DARS2: variants seen among roughly 807,000 people sequenced by gnomAD.
DARS2 encodes aspartyl-tRNA synthetase 2, mitochondrial.
Under a neutral mutation model 83.0 loss-of-function variants are expected in DARS2, and 63 were observed. The ratio of observed to expected loss-of-function variants is 0.76; its 90% CI spans 0.62 to 0.94. The LOEUF is 0.94. Ranked by LOEUF, DARS2 falls within the 40% of genes least tolerant of loss-of-function variation. The pLI, the probability that DARS2 is intolerant of heterozygous loss-of-function variation, is 0.00. For missense variants in DARS2, 675 were observed against 774.4 expected (o/e 0.87, Z 1.52); for synonymous variants, 250 against 269.3 (o/e 0.93, Z 0.70).
intron 13 of DARS2, among the ~76,000 whole-genome samples, chr1:173,852,694 G>T (rs180712827): frequency 6.6e-6 from 1 of 151,894 alleles, no homozygotes; most frequent in Non-Finnish European, 1.5e-5. Flanking sequence ...TAGTAGTGAC[G>T]GGGTTTCACC....
In DARS2 at chr1:173,828,313, TCCCCC is replaced by T; in HGVS notation, c.228-14_228-10del. 8.1e-7 allele frequency: 1 copy of T among 1,231,086 alleles called. No individual in the cohort carries two copies. Among genetic ancestry groups the T allele is most frequent in the Non-Finnish European group, 1.2e-6 (1 of 867,438 alleles). 76.3% of individuals were successfully genotyped at this position (1,231,086 alleles called of 1,614,324 possible). On this transcript the variant is annotated splice_polypyrimidine_tract_variant and intron_variant, in intron 2 of 16. Transcript: ENST00000649689. Reference sequence around the variant, plus strand: ...AGATTTTATCTTAAAATGTTTCTTTTCCCCCCCCCCATTAATCAGGCAAAACACAT... The same window carrying T: ...AGATTTTATCTTAAAATGTTTCTTTTCCCCCATTAATCAGGCAAAACACAT...
rs121918211 is a variant in DARS2 at position 173,850,408 on chromosome 1, G to T, written c.1273G>T (p.Glu425Ter). The change falls in exon 13 of 17, where the codon GAA (glutamate) becomes TAA (stop). Residue 425 changes from glutamate (E) to a stop codon, truncating the protein, a stop_gained. Coordinates refer to ENST00000649689, the MANE Select transcript of DARS2 (RefSeq NM_018122.5). LOFTEE classifies it high-confidence loss of function. ...TTTCATAATGGAGTCACAAAGACTG[G>T]AATTAATCAGACTAATGGAGACCCA... ...ANFIMESQRLELIRLMETQEE... is the reference protein window; with the variant it reads ...ANFIMESQRL The T allele has an allele frequency of 1.9e-6, 3 of 1,613,902 alleles. No individual in the cohort carries two copies. Among genetic ancestry groups the T allele is most frequent in the Non-Finnish European group, 2.5e-6 (3 of 1,179,944 alleles).
At chr1:173,827,603 T>G (rs1204619261) in intron 2 of DARS2, among the ~76,000 whole-genome samples, 1 of 151,958 alleles carries the variant, frequency 6.6e-6, no homozygotes, top group Non-Finnish European at 1.5e-5. Flanking sequence ...TGCACTCCAC[T>G]CTGGGCAACA....
intron 5 of DARS2, among the ~76,000 whole-genome samples, chr1:173,832,614 C>T (rs1016594732): frequency 7.2e-5 from 11 of 151,806 alleles, no homozygotes; most frequent in African/African-American, 2.7e-4. Context: ...ACTAAAAATA[C>T]AAAAATTAGC....
chr1:173,845,912 C>CT (rs1466650854), intron 12 of DARS2, among the ~76,000 whole-genome samples: 2 of 152,202 alleles, frequency 1.3e-5, no homozygotes, highest in Non-Finnish European at 1.5e-5. Context: ...AATCCCAGCA[C>CT]TTTGGGAGGG....
intron 9 of DARS2, 104 bp downstream of exon 9, chr1:173,838,363 T>C: frequency 1.2e-6 from 1 of 821,620 alleles, no homozygotes; most frequent in South Asian, 1.5e-5. Context: ...CATTACATTT[T>C]ATCCATCAGA....
At chr1:173,850,715 C>T (rs747214300) in intron 13 of DARS2, among the ~76,000 whole-genome samples, 24 of 151,548 alleles carry the variant, frequency 1.6e-4, no homozygotes, top group Non-Finnish European at 2.9e-4. Context: ...TAGAGATTCT[C>T]CTGCCTCAGC....
In DARS2 at chr1:173,853,546, C is replaced by T; in HGVS notation, c.1542C>T (p.Leu514=). The change falls in exon 14 of 17, where the codon CTC becomes CTT. Residue 514 remains leucine (L), a synonymous_variant. Coordinates refer to ENST00000649689, the MANE Select transcript of DARS2 (RefSeq NM_018122.5). ...CTCCCCACCCCAGTGACATACATCTCCTGTACACTGAGCCCAAAAAGGTAC... is the reference window on the plus strand; with the variant it reads ...CTCCCCACCCCAGTGACATACATCTTCTGTACACTGAGCCCAAAAAGGTAC... ...FTAPHPSDIH[L]LYTEPKKARS... is the part of the protein sequence containing the mutation. 6.2e-7 allele frequency: 1 copy of T among 1,614,078 alleles called. No homozygotes were observed. The highest frequency in any genetic ancestry group is 2.2e-5 in the East Asian group (1 of 44,874).
In DARS2 at chr1:173,828,314, C is replaced by T. The variant is rs56302419; in HGVS notation, c.228-19C>T. On this transcript the variant is annotated intron_variant, in intron 2 of 16. Coordinates refer to ENST00000649689, the MANE Select transcript of DARS2 (RefSeq NM_018122.5). Reference sequence around the variant, plus strand: ...GATTTTATCTTAAAATGTTTCTTTTCCCCCCCCCCATTAATCAGGCAAAAC... The same window carrying T: ...GATTTTATCTTAAAATGTTTCTTTTTCCCCCCCCCATTAATCAGGCAAAAC... The T allele has an allele frequency of 3.3e-4, 179 of 541,366 alleles. 1 individual carries two copies. The highest frequency in any genetic ancestry group is 1.5e-3 in the African/African-American group (61 of 41,108). The allele number at this position is 541,366 out of a possible 1,614,324, so 33.5% of individuals were successfully genotyped here. A position where few individuals can be genotyped will look rare whatever the true frequency, so the allele number is the denominator to read the frequency against.
At chr1:173,831,764 G>A (rs1315729609) in intron 5 of DARS2, 134 bp downstream of exon 5, 11 of 705,714 alleles carry the variant, frequency 1.6e-5, no homozygotes, top group Non-Finnish European at 2.5e-5. Context: ...ATCATGAAGT[G>A]TTCTCTTAGT....
intron 12 of DARS2, among the ~76,000 whole-genome samples, chr1:173,849,831 C>T (rs980650594): frequency 6.6e-6 from 1 of 151,486 alleles, no homozygotes; most frequent in South Asian, 2.1e-4. Context: ...TCTTCATCCC[C>T]TCCCCCTTTT....
intron 13 of DARS2, 79 bp downstream of exon 13, chr1:173,850,558 T>C (rs965202392): frequency 6.2e-6 from 9 of 1,447,710 alleles, no homozygotes; most frequent in African/African-American, 5.7e-5. Context: ...AGTATACGTT[T>C]GAACTGTAGA....
chr1:173,854,750 GA>G (rs1281339861), intron 15 of DARS2, among the ~76,000 whole-genome samples: 1 of 152,210 alleles, frequency 6.6e-6, no homozygotes, highest in African/African-American at 2.4e-5. Flanking sequence ...TAATGTTAGA[GA>G]AAGAGAGAGA....
intron 6 of DARS2, among the ~76,000 whole-genome samples, 187 bp downstream of exon 6, chr1:173,833,686 G>A (rs1652877580): frequency 2.0e-5 from 3 of 152,060 alleles, no homozygotes; most frequent in African/African-American, 4.8e-5. Context: ...GATGATAGTC[G>A]CTATTACATT....
In DARS2 at chr1:173,826,023, C is replaced by G. The variant is rs377591036; in HGVS notation, c.128-664C>G. 1.1e-4 allele frequency among the ~76,000 whole-genome samples: 17 copies of G among 151,104 alleles called. No individual in the cohort carries two copies. In the East Asian group the frequency reaches 2.2e-3, roughly 20 times the overall value. ...GGATCACGAGGTCAGGAGATCGAGA[C>G]CATCCTGGCTAACACGGTGAAACCC... On this transcript the variant is annotated intron_variant, in intron 1 of 16. Transcript: ENST00000649689.
intron 12 of DARS2, among the ~76,000 whole-genome samples, chr1:173,845,940 G>A (rs540620094): frequency 1.3e-5 from 2 of 152,230 alleles, no homozygotes; most frequent in East Asian, 1.9e-4. Context: ...GGCGGATCAC[G>A]AAGTCAGGAG....
chr1:173,843,706 G>C (rs192607183), intron 11 of DARS2, among the ~76,000 whole-genome samples: 30 of 152,334 alleles, frequency 2.0e-4, no homozygotes, highest in Non-Finnish European at 1.5e-5. Flanking sequence ...GGAAGGTAAA[G>C]TCTAATTAAA....
intron 12 of DARS2, 25 bp from the exon 13 acceptor site, chr1:173,850,298 ACGTG>A (rs1571995647): frequency 2.0e-5 from 31 of 1,574,842 alleles, no homozygotes; most frequent in African/African-American, 1.2e-4. Flanking sequence ...AAAAAAAAAA[ACGTG>A]AATAAGTCTT....
chr1:173,838,332 C>G lies in DARS2; in HGVS notation c.840+73C>G, dbSNP rs888850029. On this transcript the variant is annotated intron_variant, in intron 9 of 16. Transcript: ENST00000649689. ...TGAAATAGTATTTTCAAGACCAGTG[C>G]AGTATTAATACTTTACTTCTCATTA... is the stretch of plus-strand genomic sequence containing the variant. 2.7e-6 allele frequency: 3 copies of G among 1,104,248 alleles called. No homozygotes were observed. The Admixed American group carries it at 5.3e-5, about 20-fold the overall frequency. The allele number at this position is 1,104,248 out of a possible 1,614,324, so 68.4% of individuals were successfully genotyped here.
Sources: gnomAD v4.1 joint callset for allele counts (sites outside exome capture counted in the v4.1 genomes callset) on GRCh38, gnomAD v4.1.1 for gene constraint, MANE v1.5 for transcripts, NCBI Gene and HGNC (gene_info 2026-07-23, HGNC 2026-07-21) for gene names.